Variants in COL19A1 observed in about 807,000 individuals in gnomAD.
COL19A1 encodes the protein collagen type XIX alpha 1 chain, also known as collagen alpha-1(XIX) chain.
COL19A1 carries 159 observed loss-of-function variants against 190.2 expected under a neutral mutation model. That is an observed-to-expected ratio of 0.84 (90% CI 0.73 to 0.95). The LOEUF (loss-of-function observed/expected upper bound fraction) is 0.95, where lower values mean the gene tolerates loss of function less well. Ranked by LOEUF, COL19A1 falls within the 40% of genes least tolerant of loss-of-function variation. COL19A1 has a pLI of 0.00. For synonymous variants in COL19A1, 509 were observed against 458.9 expected (o/e 1.11, Z -1.39); for missense variants, 1,418 against 1,431.9 (o/e 0.99, Z 0.16).
intron 4 of COL19A1, among the ~76,000 whole-genome samples, chr6:69,922,477 G>GTTTTT (rs5877232): frequency 1.1e-4 from 10 of 90,800 alleles, no homozygotes; most frequent in East Asian, 2.8e-4. Flanking sequence ...TTCTATTTAG[G>GTTTTT]TTTTTTTTTT....
intron 17 of COL19A1, among the ~76,000 whole-genome samples, chr6:70,128,985 T>C (rs777709024): frequency 6.6e-6 from 1 of 152,190 alleles, no homozygotes; most frequent in Non-Finnish European, 1.5e-5. Context: ...CGTTCCCAGA[T>C]TGTAAAACTA....
chr6:70,165,427 C>A (rs971769109), intron 36 of COL19A1, among the ~76,000 whole-genome samples: 2 of 152,156 alleles, frequency 1.3e-5, no homozygotes, highest in Non-Finnish European at 2.9e-5. Context: ...CAGATATTAA[C>A]GTAGGAAATG....
chr6:69,879,259 G>A (rs1484557962), intron 1 of COL19A1, among the ~76,000 whole-genome samples: 1 of 152,078 alleles, frequency 6.6e-6, no homozygotes, highest in African/African-American at 2.4e-5. Context: ...AAGTGTAGTT[G>A]CTTAAAAAAA....
chr6:69,924,395 T>A (rs919833756), intron 4 of COL19A1, among the ~76,000 whole-genome samples: 1 of 152,140 alleles, frequency 6.6e-6, no homozygotes, highest in Non-Finnish European at 1.5e-5. Flanking sequence ...AAATGGTGGT[T>A]TCCAGCTTCA....
Position 69,934,246 on chromosome 6 carries a change from C to A in COL19A1, c.747+1383C>A, listed in dbSNP as rs1292705243. ...TCATTCCAAGTAAAATGCCAGCCAG[C>A]CAAATATCTTTCTATAAATATCTGA... On this transcript the variant is annotated intron_variant, in intron 7 of 50. Transcript: ENST00000620364. Among the ~76,000 whole-genome samples the A allele has an allele frequency of 2.0e-5, 3 of 152,034 alleles. No homozygotes were observed. The East Asian group carries it at 5.8e-4, about 29-fold the overall frequency.
chr6:69,954,511 G>T (rs992816842), intron 9 of COL19A1, among the ~76,000 whole-genome samples: 1 of 152,038 alleles, frequency 6.6e-6, no homozygotes, highest in African/African-American at 2.4e-5. Flanking sequence ...TTCAGTGAAA[G>T]TCCTTCGTAC....
chr6:69,891,590 CCATCCTTG>C (rs961124828), intron 2 of COL19A1, among the ~76,000 whole-genome samples: 5 of 152,298 alleles, frequency 3.3e-5, no homozygotes, highest in Middle Eastern at 3.4e-3. Context: ...TTTCCCTCTT[CCATCCTTG>C]CATCCCCAAG....
At chr6:70,141,541 C>T (rs759424709) in intron 20 of COL19A1, among the ~76,000 whole-genome samples, 8 of 152,016 alleles carry the variant, frequency 5.3e-5, no homozygotes, top group Non-Finnish European at 1.0e-4. Context: ...TCTACTCTCC[C>T]TCATTCTTTC....
chr6:69,910,411 TA>T (rs1469599330), intron 4 of COL19A1, among the ~76,000 whole-genome samples: 1 of 152,166 alleles, frequency 6.6e-6, no homozygotes, highest in Non-Finnish European at 1.5e-5. Context: ...TCAAAAATAA[TA>T]AACAGTTGTG....
intron 31 of COL19A1, among the ~76,000 whole-genome samples, chr6:70,155,821 G>A (rs540689347): frequency 3.9e-5 from 6 of 152,100 alleles, no homozygotes. Context: ...CTCAGTTTTT[G>A]TTCTTGACTT....
chr6:69,987,629 C>T (rs952619963), intron 11 of COL19A1, among the ~76,000 whole-genome samples: 1 of 152,214 alleles, frequency 6.6e-6, no homozygotes, highest in Non-Finnish European at 1.5e-5. Context: ...ATAAGCACCA[C>T]CGTTTGTATC....
intron 15 of COL19A1, among the ~76,000 whole-genome samples, chr6:70,090,276 T>C (rs73486393): frequency 6.6e-6 from 1 of 152,166 alleles, no homozygotes; most frequent in South Asian, 2.1e-4. Context: ...CAACCAACCA[T>C]GGATTGAAAA....
intron 24 of COL19A1, 64 bp from the exon 25 acceptor site, chr6:70,144,854 T>C (rs1293489762): frequency 1.0e-6 from 1 of 1,004,456 alleles, no homozygotes; most frequent in Non-Finnish European, 1.5e-6. Flanking sequence ...TGGAAACCAC[T>C]ACCTCCTCAC....
intron 6 of COL19A1, 83 bp from the exon 7 acceptor site, chr6:69,932,700 C>A: frequency 1.4e-6 from 1 of 698,720 alleles, no homozygotes; most frequent in Admixed American, 3.0e-5. Context: ...CTTTTTCTTT[C>A]TGATTAAATT....
rs181290961 is a variant in COL19A1 at position 70,083,730 on chromosome 6, A to G, written c.1224+15254A>G. Among the ~76,000 whole-genome samples the G allele has an allele frequency of 1.7e-3, 252 of 152,340 alleles. 4 individuals carry two copies. Among genetic ancestry groups the G allele is most frequent in the African/African-American group, 5.8e-3 (240 of 41,576 alleles). On this transcript the variant is annotated intron_variant, in intron 15 of 50. Transcript: ENST00000620364. ...AATTCTGAAAATTAACCAGCAAAAT[A>G]TACAATGAATTCTCAGCTATGCAAC...
chr6:69,912,216 T>C (rs1335574585), intron 4 of COL19A1, among the ~76,000 whole-genome samples: 2 of 152,206 alleles, frequency 1.3e-5, no homozygotes, highest in Admixed American at 1.3e-4. Flanking sequence ...CAAGTTTCCT[T>C]CTTTTTTTGG....
Position 69,927,983 on chromosome 6 carries a change from A to G in COL19A1, c.341A>G (p.Lys114Arg). The change falls in exon 5 of 51, where the codon AAG (lysine) becomes AGG (arginine). Residue 114 changes from lysine (K) to arginine (R), a missense_variant. Transcript: ENST00000620364. ...TTTCGAGTACGAAGAAACGCCAAAAAGGAACGGTGGTTTCTGTGGCAGGTT... is the reference window on the plus strand; with the variant it reads ...TTTCGAGTACGAAGAAACGCCAAAAGGGAACGGTGGTTTCTGTGGCAGGTT... ...AMFRVRRNAK[K>R]ERWFLWQVLN... 11 of 1,613,364 alleles carry G rather than the reference A, an allele frequency of 6.8e-6. No individual in the cohort carries two copies. The highest frequency in any genetic ancestry group is 9.3e-6 in the Non-Finnish European group (11 of 1,179,530).
intron 36 of COL19A1, among the ~76,000 whole-genome samples, chr6:70,165,377 G>T (rs1583065738): frequency 6.6e-6 from 1 of 152,218 alleles, no homozygotes; most frequent in South Asian, 2.1e-4. Context: ...TACCACAGTT[G>T]CTTCTGCTCA....
In COL19A1 at chr6:70,171,983, G is replaced by A. The variant is rs1323353189; in HGVS notation, c.2588G>A (p.Gly863Glu). 2.5e-6 allele frequency: 4 copies of A among 1,611,688 alleles called. No individual in the cohort carries two copies. The highest frequency in any genetic ancestry group is 3.4e-6 in the Non-Finnish European group (4 of 1,179,304). ...PGPVGEPGAM[G>E]LPGLEGFPGV... The stretch of plus-strand genomic sequence containing the variant: ...TAACAGGGAGAGCCTGGTGCAATGG[G>A]GTTGCCAGGATTAGAAGGATTTCCA... The change falls in exon 41 of 51, where the codon GGG (glycine) becomes GAG (glutamate). Residue 863 changes from glycine to glutamate, a missense_variant. Gly to Glu is a moderately conservative substitution (Grantham distance 98). Transcript: ENST00000620364.
Sources: allele counts gnomAD v4.1 joint callset (sites outside exome capture counted in the v4.1 genomes callset), GRCh38; gene constraint gnomAD v4.1.1; transcripts MANE v1.5; gene names NCBI Gene and HGNC (gene_info 2026-07-23, HGNC 2026-07-21).